The following LRIG2 variants were observed in gnomAD, a reference collection of about 807,000 sequenced individuals.
LRIG2 encodes leucine-rich repeats and immunoglobulin-like domains protein 2.
LRIG2 carries 93 observed loss-of-function variants against 107.8 expected under a neutral mutation model. The ratio of observed to expected loss-of-function variants is 0.86; its 90% confidence interval spans 0.73 to 1.03. The LOEUF is 1.03. Ranked by LOEUF, LRIG2 falls within the 50% of genes least tolerant of loss-of-function variation. LRIG2 has a pLI of 0.00. For synonymous variants in LRIG2, 471 were observed against 470.6 expected (o/e 1.00, Z -0.01); for missense variants, 1,226 against 1,296.0 (o/e 0.95, Z 0.83).
At chr1:113,076,806 C>G (rs573957388) in intron 1 of LRIG2, among the ~76,000 whole-genome samples, 1 of 152,122 alleles carries the variant, frequency 6.6e-6, no homozygotes, top group Admixed American at 6.5e-5. Context: ...CTTTATGCTT[C>G]TCTGTATGAG....
intron 1 of LRIG2, among the ~76,000 whole-genome samples, chr1:113,078,848 C>T (rs1226295890): frequency 6.6e-6 from 1 of 151,976 alleles, no homozygotes; most frequent in Non-Finnish European, 1.5e-5. Flanking sequence ...TCATGTTGGT[C>T]AGGCTGGTCT....
chr1:113,090,913 G>GT (rs1469026053), intron 1 of LRIG2, among the ~76,000 whole-genome samples: 8 of 151,032 alleles, frequency 5.3e-5, no homozygotes, highest in African/African-American at 1.9e-4. Context: ...GTACAGTGAC[G>GT]TGAACTTGGC....
intron 1 of LRIG2, among the ~76,000 whole-genome samples, chr1:113,083,742 G>A (rs940706623): frequency 6.6e-6 from 1 of 150,916 alleles, no homozygotes; most frequent in African/African-American, 2.4e-5. Flanking sequence ...GACTGGTAAC[G>A]TTCTCAGCCC....
chr1:113,077,744 T>C (rs955631340), intron 1 of LRIG2, among the ~76,000 whole-genome samples: 8 of 152,104 alleles, frequency 5.3e-5, no homozygotes, highest in African/African-American at 1.9e-4. Context: ...TTTATTTATT[T>C]ATTTATTCTA....
intron 16 of LRIG2, among the ~76,000 whole-genome samples, chr1:113,118,877 G>T (rs965965265): frequency 6.6e-6 from 1 of 152,114 alleles, no homozygotes; most frequent in Non-Finnish European, 1.5e-5. Flanking sequence ...TGTTAGCCAG[G>T]ATGGTCTAGA....
chr1:113,082,079 C>T (rs1230952211), intron 1 of LRIG2, among the ~76,000 whole-genome samples: 1 of 152,158 alleles, frequency 6.6e-6, no homozygotes, highest in African/African-American at 2.4e-5. Flanking sequence ...ATACTTTGCC[C>T]CTGGCTTGCA....
chr1:113,121,220 A>C (rs1655239645), intron 17 of LRIG2, among the ~76,000 whole-genome samples: 1 of 152,218 alleles, frequency 6.6e-6, no homozygotes. Context: ...GATCAAGGTC[A>C]TAAGTGAGAA....
chr1:113,081,735 G>C (rs59918989), intron 1 of LRIG2, among the ~76,000 whole-genome samples: 6,892 of 152,142 alleles, frequency 0.045, 530 homozygotes, highest in African/African-American at 0.16. Context: ...TGGCCAGGCT[G>C]GTCTCAAACT....
chr1:113,130,781 G>A lies in LRIG2; in HGVS notation c.*6680G>A, dbSNP rs1238263933. ...GAATTTTGGACTTTGGTTGACAAAA[G>A]CGGTCTGACCTGTGTTCGTAGCTGG... On this transcript the variant is annotated 3_prime_UTR_variant, in exon 18 of 18. Coordinates refer to ENST00000361127, the MANE Select transcript of LRIG2 (RefSeq NM_014813.3). 1.3e-5 allele frequency: 2 copies of A among 152,152 alleles called. No individual in the cohort carries two copies. The highest frequency in any genetic ancestry group is 6.5e-5 in the Admixed American group (1 of 15,274). 9.4% of individuals were successfully genotyped at this position (152,152 alleles called of 1,614,324 possible).
intron 12 of LRIG2, 37 bp downstream of exon 12, chr1:113,107,794 A>G (rs368551701): frequency 2.4e-5 from 37 of 1,523,634 alleles, no homozygotes; most frequent in Non-Finnish European, 2.7e-6. Context: ...TATATTACAC[A>G]CTTATAATCT....
At chr1:113,122,176 G>A (rs1020111325) in intron 17 of LRIG2, among the ~76,000 whole-genome samples, 2 of 143,266 alleles carry the variant, frequency 1.4e-5, no homozygotes, top group East Asian at 4.4e-4. Context: ...TCCGCTTTCC[G>A]GGTTCAAGCG....
intron 1 of LRIG2, among the ~76,000 whole-genome samples, chr1:113,074,205 TC>T (rs1406819195): frequency 6.6e-6 from 1 of 152,170 alleles, no homozygotes; most frequent in East Asian, 1.9e-4. Context: ...AATCAGGAGA[TC>T]CTGTAATTCA....
intron 1 of LRIG2, among the ~76,000 whole-genome samples, chr1:113,078,735 G>A (rs1267933387): frequency 6.6e-6 from 1 of 151,004 alleles, no homozygotes; most frequent in Admixed American, 6.6e-5. Context: ...CCACTTCCCA[G>A]GTTCAAACGC....
At chr1:113,089,663 T>G (rs1653705402) in intron 1 of LRIG2, among the ~76,000 whole-genome samples, 1 of 138,244 alleles carries the variant, frequency 7.2e-6, no homozygotes, top group Non-Finnish European at 1.6e-5. Context: ...TTCCTCTTAC[T>G]GAAGGTGGAT....
chr1:113,110,241 G>C lies in LRIG2; in HGVS notation c.1478-1G>C. 1 of 1,572,154 alleles carries C rather than the reference G, an allele frequency of 6.4e-7. No individual in the cohort carries two copies. The highest frequency in any genetic ancestry group is 8.6e-7 in the Non-Finnish European group (1 of 1,157,270). ...CTACGGATGCATTTTTTTCCCCTTAGATGATTTTCTCAAGCCACAGATAAG... is the reference window on the plus strand; with the variant it reads ...CTACGGATGCATTTTTTTCCCCTTACATGATTTTCTCAAGCCACAGATAAG... On this transcript the variant is annotated splice_acceptor_variant, in intron 12 of 17. Transcript: ENST00000361127. LOFTEE classifies it high-confidence loss of function.
rs7540685 is a variant in LRIG2 at position 113,078,846 on chromosome 1, G to T, written c.239+5201G>T. Among the ~76,000 whole-genome samples the T allele has an allele frequency of 2.6e-3, 398 of 151,892 alleles. 2 individuals are homozygous for T. The highest frequency in any genetic ancestry group is 9.1e-3 in the African/African-American group (375 of 41,418). On this transcript the variant is annotated intron_variant, in intron 1 of 17. Transcript: ENST00000361127. ...GTAGAGATGGGGTTTCTTCATGTTGGTCAGGCTGGTCTCAAACTCCCAACC... is the reference window on the plus strand; with the variant it reads ...GTAGAGATGGGGTTTCTTCATGTTGTTCAGGCTGGTCTCAAACTCCCAACC...
At chr1:113,083,188 A>G (rs898828802) in intron 1 of LRIG2, among the ~76,000 whole-genome samples, 1 of 148,216 alleles carries the variant, frequency 6.7e-6, no homozygotes, top group Non-Finnish European at 1.5e-5. Context: ...GGCATTATAG[A>G]TATGAGGCAC....
At chr1:113,083,491 A>G (rs1653383837) in intron 1 of LRIG2, among the ~76,000 whole-genome samples, 1 of 151,158 alleles carries the variant, frequency 6.6e-6, no homozygotes, top group African/African-American at 2.4e-5. Context: ...GATTACAGGC[A>G]CGTGCCACCA....
At chr1:113,088,377 C>A (rs187153326) in intron 1 of LRIG2, among the ~76,000 whole-genome samples, 1 of 152,220 alleles carries the variant, frequency 6.6e-6, no homozygotes, top group African/African-American at 2.4e-5. Flanking sequence ...TCACTAATAC[C>A]AAATACTAAG....
Sources: allele counts gnomAD v4.1 joint callset (sites outside exome capture counted in the v4.1 genomes callset), GRCh38; gene constraint gnomAD v4.1.1; transcripts MANE v1.5; gene names NCBI Gene and HGNC (gene_info 2026-07-23, HGNC 2026-07-21).